AHDC1: variants seen among roughly 807,000 people sequenced by gnomAD.
AHDC1 encodes AT-hook DNA binding motif containing 1.
In AHDC1, 7 loss-of-function variants were observed where a neutral mutation model predicts 87.9. That is an observed-to-expected ratio of 0.08 (90% CI 0.05 to 0.15). The LOEUF is 0.15. Among genes scored for constraint, AHDC1 ranks in the 10% least tolerant of loss-of-function variants. AHDC1 has a pLI of 1.00. For synonymous variants in AHDC1, 1,051 were observed against 1,006.8 expected, an observed-to-expected ratio of 1.04 and a Z score of -0.83; for missense variants, 1,841 against 2,253.2, an observed-to-expected ratio of 0.82 and a Z score of 3.70.
At position 27,593,224 on chromosome 1, in the gene AHDC1, C is replaced by T. The variant is rs984709879; in HGVS notation, c.-629+10173G>A. Among the ~76,000 whole-genome samples the T allele has an allele frequency of 4.6e-5, 7 of 152,176 alleles. No homozygotes were observed. The highest frequency in any genetic ancestry group is 1.7e-4 in the African/African-American group (7 of 41,530). On this transcript the variant is annotated intron_variant, in intron 3 of 8. Transcript: ENST00000673934. The surrounding 1 kb of genome is among the most constrained non-coding windows in gnomAD (Gnocchi z 4.9). ...AAGGGGGAGCAGCTCCGTCCCTCCC[C>T]TCCCCCTCCACTCCTCCAGGCAGGC...
Position 27,541,565 on chromosome 1 carries a change from C to T in AHDC1, c.*43+5696G>A, listed in dbSNP as rs535462458. Among the ~76,000 whole-genome samples, 9 of 149,880 alleles carry T rather than the reference C, an allele frequency of 6.0e-5. No homozygotes were observed. In the South Asian group the frequency reaches 1.7e-3, roughly 28 times the overall value. Reference sequence around the variant, plus strand: ...AACTCCTGGCCTCAAGTGATCTGCCCGCCTCGGCCTCTGAAAGTGCTGGAA... The same window carrying T: ...AACTCCTGGCCTCAAGTGATCTGCCTGCCTCGGCCTCTGAAAGTGCTGGAA... On this transcript the variant is annotated intron_variant, in intron 8 of 8. Coordinates refer to ENST00000673934, the MANE Select transcript of AHDC1 (RefSeq NM_001371928.1).
chr1:27,563,294 A>G lies in AHDC1; in HGVS notation c.-628-4411T>C, dbSNP rs1288915050. ...AAAGAACCTGTCACATAGTTGACCAAGACACACACACATGCACACACACAC... is the reference window on the plus strand; with the variant it reads ...AAAGAACCTGTCACATAGTTGACCAGGACACACACACATGCACACACACAC... On this transcript the variant is annotated intron_variant, in intron 3 of 8. Transcript: ENST00000673934. The surrounding 1 kb of genome is among the most constrained non-coding windows in gnomAD (Gnocchi z 6.1). 6.6e-6 allele frequency among the ~76,000 whole-genome samples: 1 copy of G among 151,816 alleles called. No individual in the cohort carries two copies. Among genetic ancestry groups the G allele is most frequent in the Non-Finnish European group, 1.5e-5 (1 of 67,954 alleles).
intron 8 of AHDC1, among the ~76,000 whole-genome samples, chr1:27,541,001 T>TAAAAAAAG (rs2018880391): frequency 1.4e-5 from 1 of 72,368 alleles, no homozygotes; most frequent in Non-Finnish European, 2.4e-5. Flanking sequence ...CTAAAAATGC[T>TAAAAAAAG]AAAAAAAAAA....
chr1:27,575,634 C>T (rs576232325), intron 3 of AHDC1, among the ~76,000 whole-genome samples: 5 of 151,400 alleles, frequency 3.3e-5, no homozygotes, highest in Non-Finnish European at 7.4e-5. Flanking sequence ...TGCCAAGGCT[C>T]CCCGAAGGAG....
chr1:27,544,834 C>G (rs543811728), intron 8 of AHDC1, among the ~76,000 whole-genome samples: 1 of 152,308 alleles, frequency 6.6e-6, no homozygotes, highest in South Asian at 2.1e-4. Context: ...CAACACTAGC[C>G]CTGCTCCACG....
intron 3 of AHDC1, among the ~76,000 whole-genome samples, chr1:27,571,738 C>A (rs1037537357): frequency 6.6e-6 from 1 of 152,290 alleles, no homozygotes; most frequent in East Asian, 1.9e-4. Context: ...CTCCCCCTCC[C>A]AGGCTGGCAT....
intron 3 of AHDC1, among the ~76,000 whole-genome samples, chr1:27,583,167 C>T (rs749576582): frequency 1.1e-4 from 17 of 152,122 alleles, no homozygotes; most frequent in Non-Finnish European, 2.1e-4. Flanking sequence ...CATGCCTGGC[C>T]GTTTATTTCT....
In AHDC1 at chr1:27,548,495, G is replaced by A; in HGVS notation, c.3621C>T (p.Asp1207=). 1 of 1,613,958 alleles carries A rather than the reference G, an allele frequency of 6.2e-7. No homozygotes were observed. Among genetic ancestry groups the A allele is most frequent in the Non-Finnish European group, 8.5e-7 (1 of 1,180,056 alleles). ...CGGGGGCAGATGATGCCTCGTTCCA[G>A]TCCATCATCAGTTTCTCCAGGCTGG... The part of the protein sequence containing the change: ...SLSSLEKLMM[D]WNEASSAPGY... Residue 1207 remains aspartate (D), a synonymous_variant, in exon 8 of 9, where the codon GAC becomes GAT. Transcript: ENST00000673934.
Position 27,547,957 on chromosome 1 carries a change from G to A in AHDC1, c.4159C>T (p.Pro1387Ser), listed in dbSNP as rs754016013. The change falls in exon 8 of 9, where the codon CCC becomes TCC. Residue 1387 changes from proline to serine, a missense_variant. By Grantham distance (74) the Pro-to-Ser change is moderately conservative (BLOSUM62 -1). Around this residue, in one of 13 missense-constraint regions of AHDC1, gnomAD observed 505 missense variants for 626.2 expected, o/e 0.81. Coordinates refer to ENST00000673934, the MANE Select transcript of AHDC1 (RefSeq NM_001371928.1). The surrounding 1 kb of genome is among the most constrained non-coding windows in gnomAD (Gnocchi z 4.9). ...GKHFPPLAHP[P>S]TVFDAGLQKA... ...TGCAGGCCGGCGTCAAACACCGTGG[G>A]TGGGTGGGCCAGCGGTGGGAAATGC... 1 of 1,597,050 alleles carries A rather than the reference G, an allele frequency of 6.3e-7. No homozygotes were observed. The highest frequency in any genetic ancestry group is 8.6e-7 in the Non-Finnish European group (1 of 1,169,058).
Position 27,573,137 on chromosome 1 carries a change from G to C in AHDC1, c.-628-14254C>G, listed in dbSNP as rs1007125239. Among the ~76,000 whole-genome samples the C allele has an allele frequency of 7.9e-5, 12 of 152,112 alleles. 1 individual carries two copies. The highest frequency in any genetic ancestry group is 7.2e-4 in the Admixed American group (11 of 15,280). On this transcript the variant is annotated intron_variant, in intron 3 of 8. Transcript: ENST00000673934. ...GAGGCACTCCAGCCTTCTGGGGGTG[G>C]GGTGGGGATACCTTGACAGGAATCT... is the stretch of plus-strand genomic sequence containing the variant.
chr1:27,559,953 T>C (rs905192509), intron 3 of AHDC1, among the ~76,000 whole-genome samples: 2 of 152,232 alleles, frequency 1.3e-5, no homozygotes, highest in African/African-American at 4.8e-5. Context: ...TCTGGGTAAA[T>C]ATACCTGTAT....
Position 27,595,553 on chromosome 1 carries a change from ATGTG to A in AHDC1, c.-629+7840_-629+7843del, listed in dbSNP as rs1033093895. 1.3e-5 allele frequency among the ~76,000 whole-genome samples: 2 copies of A among 151,714 alleles called. No homozygotes were observed. The highest frequency in any genetic ancestry group is 4.9e-5 in the African/African-American group (2 of 41,188). On this transcript the variant is annotated intron_variant, in intron 3 of 8. Coordinates refer to ENST00000673934, the MANE Select transcript of AHDC1 (RefSeq NM_001371928.1). The surrounding 1 kb of genome is among the most constrained non-coding windows in gnomAD (Gnocchi z 4.0). The stretch of plus-strand genomic sequence containing the variant: ...TTGGTTAAGTACTAGGGCTGTGAAC[ATGTG>A]CCTGGAAAGGTGTTGTGGTTGGTGG...
intron 3 of AHDC1, among the ~76,000 whole-genome samples, chr1:27,571,483 G>A (rs557640970): frequency 1.3e-4 from 20 of 152,148 alleles, no homozygotes; most frequent in African/African-American, 4.3e-4. Flanking sequence ...GGGTCAGACC[G>A]GACAGGCTTC....
In AHDC1 at chr1:27,598,109, C is replaced by G. The variant is rs989804144; in HGVS notation, c.-629+5288G>C. ...ACCCTCCCCCAGGTCAGCAAGGCCTCTCCTGGCTCAGGGGGTGGGGAGGGG... is the reference window on the plus strand; with the variant it reads ...ACCCTCCCCCAGGTCAGCAAGGCCTGTCCTGGCTCAGGGGGTGGGGAGGGG... On this transcript the variant is annotated intron_variant, in intron 3 of 8. Coordinates refer to ENST00000673934, the MANE Select transcript of AHDC1 (RefSeq NM_001371928.1). The surrounding 1 kb of genome is among the most constrained non-coding windows in gnomAD (Gnocchi z 4.2). Among the ~76,000 whole-genome samples, 2 of 152,198 alleles carry G rather than the reference C, an allele frequency of 1.3e-5. No individual in the cohort carries two copies. Among genetic ancestry groups the G allele is most frequent in the African/African-American group, 4.8e-5 (2 of 41,438 alleles).
intron 8 of AHDC1, among the ~76,000 whole-genome samples, chr1:27,541,001 T>TAAAAAAAAAC (rs2018880642): frequency 1.4e-5 from 1 of 72,368 alleles, no homozygotes; most frequent in Non-Finnish European, 2.4e-5. Context: ...CTAAAAATGC[T>TAAAAAAAAAC]AAAAAAAAAA....
chr1:27,548,576 C>T lies in AHDC1; in HGVS notation c.3540G>A (p.Gly1180=). The change falls in exon 8 of 9, where the codon GGG becomes GGA. Residue 1180 remains glycine (G), a synonymous_variant. Transcript: ENST00000673934. The part of the protein sequence containing the change: ...STQFNQPVGG[G]GFRRANSEAS... ...CCTCGCTGTTGGCACGCCGAAACCC[C>T]CCGCCACCAACCGGCTGATTGAACT... The T allele has an allele frequency of 1.2e-6, 2 of 1,613,570 alleles. No individual in the cohort carries two copies. Among genetic ancestry groups the T allele is most frequent in the Non-Finnish European group, 1.7e-6 (2 of 1,180,008 alleles).
At chr1:27,555,641 C>T (rs1029493489) in intron 5 of AHDC1, among the ~76,000 whole-genome samples, 7 of 152,182 alleles carry the variant, frequency 4.6e-5, no homozygotes, top group African/African-American at 1.7e-4. Context: ...CTGGAACCTC[C>T]AAGTCCAATT....
chr1:27,585,551 G>T (rs1571324881), intron 3 of AHDC1, among the ~76,000 whole-genome samples: 1 of 152,186 alleles, frequency 6.6e-6, no homozygotes, highest in East Asian at 1.9e-4. Context: ...CTCTAGAAAG[G>T]TTCCTGTGGT....
intron 3 of AHDC1, among the ~76,000 whole-genome samples, chr1:27,578,975 C>T (rs1481495177): frequency 1.3e-5 from 2 of 151,704 alleles, no homozygotes; most frequent in South Asian, 4.2e-4. Context: ...GGATTACAGG[C>T]GTGAGCCACC....
Sources: gnomAD v4.1 joint callset for allele counts (sites outside exome capture counted in the v4.1 genomes callset) on GRCh38, gnomAD v4.1.1 for gene constraint, gnomAD v4.1.1 regional missense constraint, Gnocchi (gnomAD v3.1) non-coding constraint, MANE v1.5 for transcripts, NCBI Gene and HGNC (gene_info 2026-07-23, HGNC 2026-07-21) for gene names.